Variants in ASB4 observed in about 807,000 individuals in gnomAD.
ASB4 encodes the protein ankyrin repeat and SOCS box containing 4.
In ASB4, 35 loss-of-function variants were observed where a neutral mutation model predicts 38.6. That is an observed-to-expected ratio of 0.91 (90% CI 0.69 to 1.20). The LOEUF is 1.20. ASB4 is among the 50% of genes most tolerant of loss of function. The pLI is 0.00. For synonymous variants in ASB4, 195 were observed against 201.3 expected (o/e 0.97, Z 0.26); for missense variants, 557 against 527.2 (o/e 1.06, Z -0.55).
chr7:95,500,490 C>A (rs1401678448), intron 2 of ASB4, among the ~76,000 whole-genome samples: 1 of 143,342 alleles, frequency 7.0e-6, no homozygotes, highest in East Asian at 2.1e-4. Context: ...TGCTTGAGCT[C>A]ACGAGTTTGA....
intron 1 of ASB4, among the ~76,000 whole-genome samples, chr7:95,486,813 C>T (rs1201797379): frequency 6.6e-6 from 1 of 152,056 alleles, no homozygotes; most frequent in Admixed American, 6.5e-5. Context: ...TTATAACGAC[C>T]TAAGGAAAAC....
upstream of ASB4, among the ~76,000 whole-genome samples, chr7:95,483,041 C>T (rs147439121): frequency 6.6e-5 from 10 of 152,262 alleles, no homozygotes; most frequent in East Asian, 3.9e-4. Flanking sequence ...TGTTCTTCAT[C>T]GTCCTTGTCA....
At position 95,500,000 on chromosome 7, in the gene ASB4, A is replaced by G. The variant is rs538238608; in HGVS notation, c.487+3943A>G. 1.2e-4 allele frequency among the ~76,000 whole-genome samples: 18 copies of G among 150,890 alleles called. No individual in the cohort carries two copies. The East Asian group carries it at 1.6e-3, about 13-fold the overall frequency. ...GCCATTCTCCTGCCTCAGCCTCCCA[A>G]GTAGCTGGGAGCATCCTCATTTTTA... On this transcript the variant is annotated intron_variant, in intron 2 of 4. Coordinates refer to ENST00000325885, the MANE Select transcript of ASB4 (RefSeq NM_016116.3).
chr7:95,504,514 C>A (rs532912062), intron 2 of ASB4, among the ~76,000 whole-genome samples: 2 of 152,276 alleles, frequency 1.3e-5, no homozygotes, highest in Admixed American at 1.3e-4. Flanking sequence ...ATTGTAATAG[C>A]ATAAATCTGA....
chr7:95,494,868 A>G (rs1047454939), intron 1 of ASB4, among the ~76,000 whole-genome samples: 1 of 152,180 alleles, frequency 6.6e-6, no homozygotes, highest in African/African-American at 2.4e-5. Context: ...CCAAAAACCA[A>G]TGGGAAAAAT....
chr7:95,515,386 CT>C (rs1221670977), intron 2 of ASB4, among the ~76,000 whole-genome samples: 5 of 91,344 alleles, frequency 5.5e-5, no homozygotes, highest in Middle Eastern at 8.9e-3. Context: ...CTTTTCTTTT[CT>C]TTTTTTTCTT....
At chr7:95,547,423 C>A in the ASB4 span, among the ~76,000 whole-genome samples, 1 of 152,270 alleles carries the variant, frequency 6.6e-6, no homozygotes, top group African/African-American at 2.4e-5. Context: ...GCTTCATTCT[C>A]GTAACATAAT....
chr7:95,485,365 C>T (rs774445879), upstream of ASB4, among the ~76,000 whole-genome samples: 1 of 152,184 alleles, frequency 6.6e-6, no homozygotes, highest in Non-Finnish European at 1.5e-5. Context: ...AGAGTCCCTG[C>T]CCCGGACCGT....
chr7:95,550,674 G>A, the ASB4 span, among the ~76,000 whole-genome samples: 3 of 152,168 alleles, frequency 2.0e-5, no homozygotes, highest in Non-Finnish European at 4.4e-5. Flanking sequence ...GACTCAGGCC[G>A]TGGATCTTTG....
At chr7:95,526,109 G>T (rs532967235) in intron 2 of ASB4, among the ~76,000 whole-genome samples, 1 of 152,226 alleles carries the variant, frequency 6.6e-6, no homozygotes, top group Non-Finnish European at 1.5e-5. Context: ...GTAAACTACA[G>T]AAAAATTTTC....
intron 2 of ASB4, among the ~76,000 whole-genome samples, chr7:95,513,565 G>T (rs928148489): frequency 6.6e-6 from 1 of 152,056 alleles, no homozygotes; most frequent in African/African-American, 2.4e-5. Context: ...TTAACTCAAA[G>T]TTTGCTGATT....
chr7:95,537,298 C>G (rs1372580178), intron 4 of ASB4, among the ~76,000 whole-genome samples: 1 of 152,094 alleles, frequency 6.6e-6, no homozygotes, highest in Admixed American at 6.6e-5. Flanking sequence ...TTTAAAATTG[C>G]TATTTTGGTT....
chr7:95,515,163 CTT>C (rs879919775), intron 2 of ASB4, among the ~76,000 whole-genome samples: 25,013 of 124,782 alleles, frequency 0.2, 2,833 homozygotes, highest in African/African-American at 0.31. Flanking sequence ...CTTTCTTTCT[CTT>C]TCTCTTTCTT....
chr7:95,491,192 G>A (rs1253703902), intron 1 of ASB4, among the ~76,000 whole-genome samples: 7 of 152,208 alleles, frequency 4.6e-5, no homozygotes. Context: ...AGCCACATGG[G>A]CATGGCCTGT....
upstream of ASB4, among the ~76,000 whole-genome samples, chr7:95,484,921 AC>A (rs1481995449): frequency 1.3e-5 from 2 of 151,556 alleles, no homozygotes; most frequent in African/African-American, 4.8e-5. Flanking sequence ...AGTTTTTGCC[AC>A]ACTTGCTATC....
At chr7:95,497,392 T>A (rs1050526256) in intron 2 of ASB4, among the ~76,000 whole-genome samples, 1 of 151,982 alleles carries the variant, frequency 6.6e-6, no homozygotes, top group Non-Finnish European at 1.5e-5. Context: ...GATTCAGAGA[T>A]GGATTGGATG....
intron 2 of ASB4, among the ~76,000 whole-genome samples, chr7:95,513,762 C>A: frequency 6.6e-6 from 1 of 152,096 alleles, no homozygotes; most frequent in East Asian, 1.9e-4. Context: ...TTCAGCTGCC[C>A]AGTTTGTGGT....
chr7:95,541,375 A>G (rs1451868368), downstream of ASB4, among the ~76,000 whole-genome samples: 11 of 152,154 alleles, frequency 7.2e-5, no homozygotes. Context: ...TGTCATAATC[A>G]TTATATTGTA....
chr7:95,519,024 A>G, intron 2 of ASB4, among the ~76,000 whole-genome samples: 1 of 152,190 alleles, frequency 6.6e-6, no homozygotes, highest in East Asian at 1.9e-4. Flanking sequence ...GTTGCTCTAG[A>G]AGAAGGTAGT....
Sources: allele counts gnomAD v4.1 joint callset (sites outside exome capture counted in the v4.1 genomes callset), GRCh38; gene constraint gnomAD v4.1.1; transcripts MANE v1.5; gene names NCBI Gene and HGNC (gene_info 2026-07-23, HGNC 2026-07-21).